Variants in BCORL1 observed in about 807,000 individuals in gnomAD.
The protein encoded by BCORL1 is BCL6 corepressor like 1, also known as BCL-6 corepressor-like protein 1.
BCORL1 carries 7 observed loss-of-function variants against 87.6 expected under a neutral mutation model. The ratio of observed to expected loss-of-function variants is 0.08; its 90% confidence interval spans 0.05 to 0.15. The LOEUF (loss-of-function observed/expected upper bound fraction) is 0.15, where lower values mean the gene tolerates loss of function less well. Among genes scored for constraint, BCORL1 ranks in the 10% least tolerant of loss-of-function variants. The probability of loss-of-function intolerance (pLI) is 1.00; values close to 1 mark genes in which losing one functional copy is unlikely to be tolerated. For missense variants in BCORL1, 1,215 were observed against 1,499.7 expected, an observed-to-expected ratio of 0.81 and a Z score of 3.13; for synonymous variants, 591 against 634.4, an observed-to-expected ratio of 0.93 and a Z score of 1.03.
chrX:130,034,775 C>G (rs1458098878), intron 9 of BCORL1, 99 bp downstream of exon 9: 1 of 591,974 alleles, frequency 1.7e-6, no homozygotes, highest in Non-Finnish European at 2.4e-6. Context: ...CCCAGGCTGG[C>G]CTCCCTCTAC....
In BCORL1 at chrX:130,015,743, A is replaced by T. The variant is rs148385554; in HGVS notation, c.2971A>T (p.Met991Leu). The T allele has an allele frequency of 6.6e-5, 80 of 1,209,967 alleles. 1 individual carries two copies. In the African/African-American group the frequency reaches 1.2e-3, roughly 17 times the overall value. Residue 991 changes from methionine to leucine, a missense_variant, in exon 4 of 14, where the codon ATG (methionine) becomes TTG (leucine). Transcript: ENST00000540052. ...TAAGAACCAAGTGCTGGCCACCTACATGTCCCATGAGCTGGTCCTGGCCAC... is the reference window on the plus strand; with the variant it reads ...TAAGAACCAAGTGCTGGCCACCTACTTGTCCCATGAGCTGGTCCTGGCCAC... ...KPKNQVLATY[M>L]SHELVLATPQ...
At chrX:129,993,169 T>A (rs1054266584) in intron 1 of BCORL1, among the ~76,000 whole-genome samples, 2 of 112,148 alleles carry the variant, frequency 1.8e-5, no homozygotes, top group African/African-American at 6.5e-5. Flanking sequence ...TTGAAAGGAC[T>A]GATTAATTTC....
chrX:130,024,331 G>T (rs1209814178), intron 6 of BCORL1, among the ~76,000 whole-genome samples: 1 of 111,164 alleles, frequency 9.0e-6, no homozygotes, highest in African/African-American at 3.3e-5. Flanking sequence ...GGCAAGTCGG[G>T]AGGAGGTGGG....
In BCORL1 at chrX:129,982,642, C is replaced by T. The variant is rs1377322690; in HGVS notation, c.-165C>T. 9.0e-6 allele frequency: 1 copy of T among 111,373 alleles called. No homozygotes were observed. Among genetic ancestry groups the T allele is most frequent in the Non-Finnish European group, 1.9e-5 (1 of 53,055 alleles). 9.2% of individuals were successfully genotyped at this position (111,373 alleles called of 1,213,427 possible). On this transcript the variant is annotated 5_prime_UTR_variant, in exon 1 of 14. Transcript: ENST00000540052. ...CACACCGCTCTCCCCCTCACTCTTT[C>T]GCTCGCCGCGGCTGCTGCCAGTGTG...
intron 1 of BCORL1, among the ~76,000 whole-genome samples, chrX:129,992,882 C>T (rs1927298947): frequency 9.0e-6 from 1 of 110,648 alleles, no homozygotes; most frequent in Non-Finnish European, 1.9e-5. Context: ...TGAAAAATTG[C>T]GTATCATGAA....
intron 1 of BCORL1, among the ~76,000 whole-genome samples, chrX:129,989,444 CTTTTTTTTTTTTTTTTTTTTTTT>C (rs55654985): frequency 5.6e-5 from 1 of 17,757 alleles, no homozygotes; most frequent in African/African-American, 2.6e-4. Flanking sequence ...CCGCACCCGT[CTTTTTTTTTTTTTTTTTTTTTTT>C]TTTTTTTTTT....
rs781634654 is a variant in BCORL1 at position 130,045,250 on chromosome X, G to A, written c.4841-5467G>A. 4.4e-4 allele frequency among the ~76,000 whole-genome samples: 49 copies of A among 112,277 alleles called. No homozygotes were observed. The South Asian group carries it at 5.9e-3, about 14-fold the overall frequency. On this transcript the variant is annotated intron_variant, in intron 11 of 13. Transcript: ENST00000540052. ...AAGGAAAACAGACTTGTTTTTCCTCGTCTGTTGGAAAGAATGTAGGGCTTA... is the reference window on the plus strand; with the variant it reads ...AAGGAAAACAGACTTGTTTTTCCTCATCTGTTGGAAAGAATGTAGGGCTTA...
rs891304874 is a variant in BCORL1 at position 130,050,604 on chromosome X, G to A, written c.4841-113G>A. 3.1e-5 allele frequency: 19 copies of A among 618,187 alleles called. No homozygotes were observed. The African/African-American group carries it at 4.2e-4, about 14-fold the overall frequency. 50.9% of individuals were successfully genotyped at this position (618,187 alleles called of 1,213,427 possible). ...TCTCTGGTCACTCCTGGACTCTCTT[G>A]TGGTCCTTCCTTCCCTTCTCCCATT... On this transcript the variant is annotated intron_variant, in intron 11 of 13. Coordinates refer to ENST00000540052, the MANE Select transcript of BCORL1 (RefSeq NM_001379451.1).
chrX:130,032,730 CTTCTATTT>C (rs1372246966), intron 8 of BCORL1, among the ~76,000 whole-genome samples: 6 of 98,187 alleles, frequency 6.1e-5, no homozygotes, highest in Admixed American at 3.4e-4. Flanking sequence ...TCGAGAATCT[CTTCTATTT>C]ATTTATTTAT....
rs1173148573 is a variant in BCORL1, at chrX:130,034,690, C to T, written c.4527+14C>T. The T allele has an allele frequency of 2.1e-6, 2 of 961,258 alleles. No homozygotes were observed. Among genetic ancestry groups the T allele is most frequent in the South Asian group, 2.0e-5 (1 of 49,831 alleles). The allele number at this position is 961,258 out of a possible 1,213,427, so 79.2% of individuals were successfully genotyped here. On this transcript the variant is annotated intron_variant, in intron 9 of 13. Coordinates refer to ENST00000540052, the MANE Select transcript of BCORL1 (RefSeq NM_001379451.1). ...CTTGGCTATAAGGTAAGGGAGTTTT[C>T]GACTGACCACAGGGCGCCGTTGGTC...
chrX:130,015,349 C>T lies in BCORL1; in HGVS notation c.2577C>T (p.Pro859=), dbSNP rs775048180. The change falls in exon 4 of 14, where the codon CCC becomes CCT. Residue 859 remains proline, a synonymous_variant. Coordinates refer to ENST00000540052, the MANE Select transcript of BCORL1 (RefSeq NM_001379451.1). The part of the protein sequence containing the change: ...AGQLTPSQGA[P]IRPTSVVSEF... ...AGCTGACCCCCAGTCAGGGGGCGCCCATCAGGCCCACCAGCGTTGTTTCGG... is the reference window on the plus strand; with the variant it reads ...AGCTGACCCCCAGTCAGGGGGCGCCTATCAGGCCCACCAGCGTTGTTTCGG... 4 of 1,211,919 alleles carry T rather than the reference C, an allele frequency of 3.3e-6. No individual in the cohort carries two copies. The South Asian group carries it at 7.0e-5, about 21-fold the overall frequency.
At chrX:130,024,897 A>C (rs992558303) in intron 6 of BCORL1, 93 bp from the exon 7 acceptor site, 62 of 1,116,022 alleles carry the variant, frequency 5.6e-5, no homozygotes, top group Non-Finnish European at 7.3e-5. Context: ...TTGAACCCAG[A>C]CCTTCAAACT....
intron 8 of BCORL1, among the ~76,000 whole-genome samples, chrX:130,029,968 G>A (rs1183869962): frequency 8.9e-6 from 1 of 111,741 alleles, no homozygotes; most frequent in Non-Finnish European, 1.9e-5. Context: ...TGGTGGTCAT[G>A]ATTCTTACTG....
At chrX:129,999,297 CTTTTTTT>C (rs1213156086) in intron 1 of BCORL1, among the ~76,000 whole-genome samples, 2 of 39,106 alleles carry the variant, frequency 5.1e-5, no homozygotes, top group African/African-American at 2.3e-4. Context: ...TGAAACACAT[CTTTTTTT>C]TTTTTTTTTT....
In BCORL1 at chrX:130,015,961, C is replaced by T. The variant is rs7061871; in HGVS notation, c.3189C>T (p.Ala1063=). ...KVDGDVVFNL[A]TCFRADGLPV... is the part of the protein sequence containing the mutation. ...ATGGTGATGTGGTCTTCAATTTAGCCACCTGCTTCCGGGCTGATGGCCTCC... is the reference window on the plus strand; with the variant it reads ...ATGGTGATGTGGTCTTCAATTTAGCTACCTGCTTCCGGGCTGATGGCCTCC... The change falls in exon 4 of 14, where the codon GCC becomes GCT. Residue 1063 remains alanine (A), a synonymous_variant. Transcript: ENST00000540052. 9.0e-3 allele frequency: 10,911 copies of T among 1,209,843 alleles called. 594 individuals are homozygous for T. The African/African-American group carries it at 0.16, about 18-fold the overall frequency.
intron 9 of BCORL1, 142 bp from the exon 10 acceptor site, chrX:130,037,225 A>G: frequency 3.3e-6 from 2 of 605,361 alleles, no homozygotes. Flanking sequence ...GATGTTGTTA[A>G]TGAAAGATTT....
At chrX:130,049,702 G>A (rs1313316072) in intron 11 of BCORL1, among the ~76,000 whole-genome samples, 1 of 112,263 alleles carries the variant, frequency 8.9e-6, no homozygotes, top group Non-Finnish European at 1.9e-5. Flanking sequence ...AGTTCTTTGG[G>A]ATATATACCT....
At chrX:130,025,713 G>T (rs1169204339) in intron 7 of BCORL1, among the ~76,000 whole-genome samples, 1 of 110,814 alleles carries the variant, frequency 9.0e-6, no homozygotes, top group Non-Finnish European at 1.9e-5. Flanking sequence ...TGAGGGAGTC[G>T]AGTCTTTTGG....
At chrX:130,039,410 C>T in intron 11 of BCORL1, 128 bp downstream of exon 11, 1 of 852,926 alleles carries the variant, frequency 1.2e-6, no homozygotes, top group Non-Finnish European at 1.6e-6. Context: ...CCCTCTTCAC[C>T]TGCTTTCATT....
Sources: gnomAD v4.1 joint callset for allele counts (sites outside exome capture counted in the v4.1 genomes callset) on GRCh38, gnomAD v4.1.1 for gene constraint, MANE v1.5 for transcripts, NCBI Gene and HGNC (gene_info 2026-07-23, HGNC 2026-07-21) for gene names.